Variants in ACO2 observed in about 807,000 individuals in gnomAD.
The protein encoded by ACO2 is aconitase 2.
In ACO2, 31 loss-of-function variants were observed where a neutral mutation model predicts 84.5. That is an observed-to-expected ratio of 0.37 (90% confidence interval 0.28 to 0.50). The LOEUF is 0.50. Ranked by LOEUF, ACO2 falls within the 20% of genes least tolerant of loss-of-function variation. ACO2 has a pLI of 0.97. For synonymous variants in ACO2, 414 were observed against 412.7 expected, an observed-to-expected ratio of 1.00 and a Z score of -0.04; for missense variants, 685 against 1,029.3, an observed-to-expected ratio of 0.67 and a Z score of 4.58.
At chr22:41,518,339 A>G (rs1416069000) in intron 7 of ACO2, 142 bp from the exon 8 acceptor site, 1 of 661,934 alleles carries the variant, frequency 1.5e-6, no homozygotes, top group African/African-American at 1.8e-5. Flanking sequence ...AAGGGCAGAG[A>G]CAGCAGCCTT....
chr22:41,469,271 C>T, intron 1 of ACO2, 89 bp downstream of exon 1: 1 of 1,490,408 alleles, frequency 6.7e-7, no homozygotes, highest in Admixed American at 2.1e-5. Flanking sequence ...CGAGGCGGGC[C>T]CAACCTGGGG....
intron 1 of ACO2, among the ~76,000 whole-genome samples, chr22:41,496,599 C>T (rs547129943): frequency 1.3e-5 from 2 of 152,296 alleles, no homozygotes; most frequent in East Asian, 1.9e-4. Flanking sequence ...CTCCTCCACC[C>T]GTCACAGGGA....
chr22:41,497,126 TG>T (rs560798465), intron 1 of ACO2, among the ~76,000 whole-genome samples: 5 of 151,804 alleles, frequency 3.3e-5, no homozygotes, highest in African/African-American at 1.2e-4. Context: ...TGGAGTGAAG[TG>T]GGGTGATCTT....
At chr22:41,492,109 T>G (rs746787357) in intron 1 of ACO2, among the ~76,000 whole-genome samples, 5 of 152,220 alleles carry the variant, frequency 3.3e-5, no homozygotes, top group Non-Finnish European at 4.4e-5. Context: ...TGGGAATAAG[T>G]TACTTGCACT....
chr22:41,509,404 G>A (rs777610451), intron 3 of ACO2, among the ~76,000 whole-genome samples: 2 of 152,164 alleles, frequency 1.3e-5, no homozygotes, highest in Non-Finnish European at 2.9e-5. Context: ...ATCTGCTTGT[G>A]GGTGTGGACA....
chr22:41,504,711 CTTTTTTTTTTTTTTTTTTT>C (rs926246283), intron 2 of ACO2, among the ~76,000 whole-genome samples: 1 of 48,604 alleles, frequency 2.1e-5, no homozygotes, highest in South Asian at 7.8e-4. Context: ...ACCTTAGGGA[CTTTTTTTTTTTTTTTTTTT>C]TTTTTTTTTT....
chr22:41,515,864 C>T lies in ACO2; in HGVS notation c.782C>T (p.Thr261Ile). Residue 261 changes from threonine (T) to isoleucine (I), a missense_variant, in exon 6 of 18, where the codon ACA (threonine) becomes ATA (isoleucine). Transcript: ENST00000216254. The surrounding 1 kb of genome is among the most constrained non-coding windows in gnomAD (Gnocchi z 5.8). ...GGCATCCTCACGGTGAAAGGTGGCACAGGTGCAATCGTGGAATACCACGGG... is the reference window on the plus strand; with the variant it reads ...GGCATCCTCACGGTGAAAGGTGGCATAGGTGCAATCGTGGAATACCACGGG... Reference protein sequence around the residue: ...VAGILTVKGGTGAIVEYHGPG... With the variant: ...VAGILTVKGGIGAIVEYHGPG... 6.2e-7 allele frequency: 1 copy of T among 1,614,228 alleles called. No individual in the cohort carries two copies. The highest frequency in any genetic ancestry group is 1.1e-5 in the South Asian group (1 of 91,086).
intron 1 of ACO2, among the ~76,000 whole-genome samples, chr22:41,496,715 G>T (rs2066316541): frequency 1.3e-5 from 2 of 152,194 alleles, no homozygotes; most frequent in African/African-American, 4.8e-5. Flanking sequence ...CACCTACCCA[G>T]TGAGGCAGGC....
At chr22:41,523,048 G>A (rs2066539791) in intron 10 of ACO2, 61 bp downstream of exon 10, 46 of 1,598,130 alleles carry the variant, frequency 2.9e-5, no homozygotes, top group South Asian at 5.6e-5. Context: ...GCCTCCAGGC[G>A]GCACAAGCCC....
chr22:41,494,599 TG>T (rs760777030), intron 1 of ACO2, among the ~76,000 whole-genome samples: 68 of 151,604 alleles, frequency 4.5e-4, no homozygotes, highest in Non-Finnish European at 9.1e-4. Flanking sequence ...TTAGTGGAGA[TG>T]GGGTTTCACC....
intron 1 of ACO2, among the ~76,000 whole-genome samples, chr22:41,495,512 G>T (rs990185413): frequency 6.6e-6 from 1 of 152,110 alleles, no homozygotes; most frequent in Non-Finnish European, 1.5e-5. Context: ...GCTTAACCGT[G>T]CCCTGGCTGT....
chr22:41,526,555 C>A, intron 15 of ACO2, 102 bp downstream of exon 15: 2 of 1,324,638 alleles, frequency 1.5e-6, no homozygotes, highest in Non-Finnish European at 1.0e-6. Context: ...GGGAAGGAGG[C>A]CGACCAAGCC....
intron 1 of ACO2, among the ~76,000 whole-genome samples, chr22:41,497,928 G>A (rs1323936749): frequency 2.0e-5 from 3 of 151,866 alleles, no homozygotes; most frequent in South Asian, 2.1e-4. Context: ...GGCGGATCAC[G>A]AGTTCAAGAG....
intron 2 of ACO2, among the ~76,000 whole-genome samples, chr22:41,506,609 C>A (rs1368883779): frequency 6.6e-6 from 1 of 152,132 alleles, no homozygotes; most frequent in Admixed American, 6.5e-5. Context: ...TGATCTTGAA[C>A]TGGCCTCAAG....
At chr22:41,506,236 C>A (rs1401352280) in intron 2 of ACO2, among the ~76,000 whole-genome samples, 1 of 151,774 alleles carries the variant, frequency 6.6e-6, no homozygotes, top group Non-Finnish European at 1.5e-5. Context: ...TACAGGCACG[C>A]ATCACCCTGT....
At chr22:41,514,387 C>G (rs1161306307) in intron 4 of ACO2, among the ~76,000 whole-genome samples, 2 of 152,240 alleles carry the variant, frequency 1.3e-5, no homozygotes, top group African/African-American at 4.8e-5. Context: ...GCCTCATGGA[C>G]AGGATCTCAT....
chr22:41,484,551 T>G (rs1053507954), intron 1 of ACO2, among the ~76,000 whole-genome samples: 1 of 152,206 alleles, frequency 6.6e-6, no homozygotes, highest in Non-Finnish European at 1.5e-5. Flanking sequence ...GGTAATTTTT[T>G]TTTTAAATAG....
At chr22:41,492,602 C>T (rs553974040) in intron 1 of ACO2, among the ~76,000 whole-genome samples, 3 of 152,166 alleles carry the variant, frequency 2.0e-5, no homozygotes, top group Admixed American at 6.5e-5. Flanking sequence ...GGTGAAACCC[C>T]GTCTTTACTA....
chr22:41,528,047 G>T, intron 17 of ACO2, 25 bp downstream of exon 17: 1 of 1,613,914 alleles, frequency 6.2e-7, no homozygotes, highest in Non-Finnish European at 8.5e-7. Flanking sequence ...TCCCCCTGAG[G>T]TGGTGGGGTG....
Sources: gnomAD v4.1 joint callset for allele counts (sites outside exome capture counted in the v4.1 genomes callset) on GRCh38, gnomAD v4.1.1 for gene constraint, Gnocchi (gnomAD v3.1) non-coding constraint, MANE v1.5 for transcripts, NCBI Gene and HGNC (gene_info 2026-07-23, HGNC 2026-07-21) for gene names.